The following KCNIP1 variants were observed in gnomAD, a reference collection of about 807,000 sequenced individuals.
The protein encoded by KCNIP1 is A-type potassium channel modulatory protein KCNIP1.
In KCNIP1, 18 loss-of-function variants were observed where a neutral mutation model predicts 33.0. That is an observed-to-expected ratio of 0.55 (90% confidence interval 0.38 to 0.81). The LOEUF is 0.81. KCNIP1 is among the 30% of genes least tolerant of loss of function. The probability of loss-of-function intolerance (pLI) is 0.00; values close to 1 mark genes in which losing one functional copy is unlikely to be tolerated. For synonymous variants in KCNIP1, 93 were observed against 98.3 expected (o/e 0.95, Z 0.32); for missense variants, 238 against 271.6 (o/e 0.88, Z 0.87).
chr5:170,658,514 G>A lies in KCNIP1; in HGVS notation c.62-60244G>A, dbSNP rs531800176. Among the ~76,000 whole-genome samples the A allele has an allele frequency of 6.6e-5, 10 of 152,330 alleles. No homozygotes were observed. In the South Asian group the frequency reaches 1.2e-3, roughly 19 times the overall value. On this transcript the variant is annotated intron_variant, in intron 1 of 7. Coordinates refer to ENST00000328939, the MANE Select transcript of KCNIP1 (RefSeq NM_014592.4). ...TCAACATGAGTTTTTGAGGGGAAAAGTATTCAAACTATAGCTCACAGAGAT... is the reference window on the plus strand; with the variant it reads ...TCAACATGAGTTTTTGAGGGGAAAAATATTCAAACTATAGCTCACAGAGAT...
At chr5:170,722,902 T>A in intron 5 of KCNIP1, 82 bp downstream of exon 5, 1 of 828,116 alleles carries the variant, frequency 1.2e-6, no homozygotes, top group South Asian at 1.5e-5. Context: ...GGCATGAGGA[T>A]AGCACTGTCT....
chr5:170,706,169 A>G (rs569380798), intron 1 of KCNIP1, among the ~76,000 whole-genome samples: 23 of 152,326 alleles, frequency 1.5e-4, no homozygotes, highest in South Asian at 1.5e-3. Context: ...ATTATTCTGT[A>G]TCAAGCACAG....
chr5:170,633,713 CGGGGGGGCGGA>C (rs1416587824), intron 1 of KCNIP1, among the ~76,000 whole-genome samples: 1 of 29,324 alleles, frequency 3.4e-5, no homozygotes, highest in Non-Finnish European at 5.6e-5. Flanking sequence ...GGCGAGGGGG[CGGGGGGGCGGA>C]GGGGGGGACG....
intron 1 of KCNIP1, among the ~76,000 whole-genome samples, chr5:170,604,821 C>G (rs1758842069): frequency 6.6e-6 from 1 of 152,218 alleles, no homozygotes; most frequent in Non-Finnish European, 1.5e-5. Flanking sequence ...TCAGCCCCCC[C>G]AGGAGAGGAC....
At chr5:170,590,022 C>T (rs1030137664) in intron 1 of KCNIP1, among the ~76,000 whole-genome samples, 4 of 152,096 alleles carry the variant, frequency 2.6e-5, no homozygotes, top group Admixed American at 2.6e-4. Flanking sequence ...TCAGAACTCC[C>T]AGCGGGAGTT....
intron 1 of KCNIP1, among the ~76,000 whole-genome samples, chr5:170,710,506 C>A (rs570923418): frequency 1.3e-5 from 2 of 152,092 alleles, no homozygotes; most frequent in African/African-American, 2.4e-5. Context: ...TCTTAATATG[C>A]CTGACAGATT....
intron 1 of KCNIP1, among the ~76,000 whole-genome samples, chr5:170,474,765 C>T (rs902779028): frequency 6.6e-6 from 1 of 152,126 alleles, no homozygotes; most frequent in African/African-American, 2.4e-5. Flanking sequence ...TCTGTGGTCT[C>T]GCTGACTTCA....
chr5:170,678,889 A>T (rs1762235104), intron 1 of KCNIP1: 1 of 152,280 alleles, frequency 6.6e-6, no homozygotes. Flanking sequence ...TAGAAGAGAT[A>T]CAGCTAAGAT....
At chr5:170,722,669 G>A in intron 4 of KCNIP1, 44 bp from the exon 5 acceptor site, 1 of 1,325,766 alleles carries the variant, frequency 7.5e-7, no homozygotes, top group African/African-American at 1.4e-5. Flanking sequence ...CACACTGTCT[G>A]ATGGCTTGAT....
chr5:170,377,995 G>A (rs1300168298), intron 1 of KCNIP1: 1 of 152,058 alleles, frequency 6.6e-6, no homozygotes, highest in African/African-American at 2.4e-5. Flanking sequence ...TTTCCAAAAT[G>A]GCATCTACCA....
upstream of KCNIP1, chr5:170,504,003 G>GC (rs1339609737): frequency 1.5e-6 from 1 of 648,682 alleles, no homozygotes; most frequent in Non-Finnish European, 1.9e-6. The surrounding 1 kb of genome is among the most constrained non-coding windows in gnomAD (Gnocchi z 6.0). Flanking sequence ...CCCCTCCGCC[G>GC]CCCCCTCCGC....
intron 1 of KCNIP1, among the ~76,000 whole-genome samples, chr5:170,474,390 CA>C (rs1756804255): frequency 6.6e-6 from 1 of 152,284 alleles, no homozygotes; most frequent in African/African-American, 2.4e-5. Context: ...CCCCGCCCCC[CA>C]TACCTATGCA....
chr5:170,471,637 T>G (rs1756730633), intron 1 of KCNIP1, among the ~76,000 whole-genome samples: 1 of 152,046 alleles, frequency 6.6e-6, no homozygotes, highest in African/African-American at 2.4e-5. Context: ...CAGCAGTAAT[T>G]CCAAGCAAAG....
chr5:170,524,541 T>C (rs929308320), intron 1 of KCNIP1, among the ~76,000 whole-genome samples: 1 of 151,964 alleles, frequency 6.6e-6, no homozygotes, highest in African/African-American at 2.4e-5. Flanking sequence ...ATCCATGGGG[T>C]TGTTGGGAGG....
chr5:170,676,916 A>T (rs1490253756), intron 1 of KCNIP1, among the ~76,000 whole-genome samples: 3 of 152,192 alleles, frequency 2.0e-5, no homozygotes, highest in South Asian at 2.1e-4. Context: ...AGCTGAAAAC[A>T]TTTGCCTGGA....
At chr5:170,483,866 G>C (rs1344337086) in intron 1 of KCNIP1, 1 of 152,260 alleles carries the variant, frequency 6.6e-6, no homozygotes, top group Non-Finnish European at 1.5e-5. Flanking sequence ...CAATGAGTGT[G>C]ACGTGATGAC....
intron 1 of KCNIP1, among the ~76,000 whole-genome samples, chr5:170,435,257 C>A (rs1755834987): frequency 6.6e-6 from 1 of 152,222 alleles, no homozygotes; most frequent in Non-Finnish European, 1.5e-5. Context: ...TTCGGTGTCT[C>A]CCCTGTACTT....
chr5:170,591,811 G>A (rs1428515773), intron 1 of KCNIP1, among the ~76,000 whole-genome samples: 2 of 152,192 alleles, frequency 1.3e-5, no homozygotes, highest in Non-Finnish European at 2.9e-5. Flanking sequence ...TTCATTATAA[G>A]TATATACCAC....
At chr5:170,362,654 A>G (rs2135024) in intron 1 of KCNIP1, among the ~76,000 whole-genome samples, 38,747 of 152,104 alleles carry the variant, frequency 0.25, 6,398 homozygotes, top group African/African-American at 0.48. Flanking sequence ...GCCAATTTTC[A>G]TTTATTGCTG....
Sources: allele counts gnomAD v4.1 joint callset (sites outside exome capture counted in the v4.1 genomes callset), GRCh38; gene constraint gnomAD v4.1.1; non-coding constraint Gnocchi (gnomAD v3.1); transcripts MANE v1.5; gene names NCBI Gene and HGNC (gene_info 2026-07-23, HGNC 2026-07-21).